The following ADK variants were observed in gnomAD, a reference collection of about 807,000 sequenced individuals.
ADK encodes the protein N6,N6-dimethyladenosine kinase.
In ADK, 24 loss-of-function variants were observed where a neutral mutation model predicts 44.7. The ratio of observed to expected loss-of-function variants is 0.54; its 90% confidence interval spans 0.39 to 0.76. The LOEUF (loss-of-function observed/expected upper bound fraction) is 0.76. Ranked by LOEUF, ADK falls within the 30% of genes least tolerant of loss-of-function variation. ADK has a pLI of 0.00. For missense variants in ADK, 321 were observed against 425.1 expected (o/e 0.76, Z 2.15); for synonymous variants, 128 against 142.6 (o/e 0.90, Z 0.73).
intron 10 of ADK, among the ~76,000 whole-genome samples, chr10:74,686,572 T>G (rs1855797008): frequency 1.3e-5 from 2 of 152,220 alleles, no homozygotes; most frequent in African/African-American, 4.8e-5. Flanking sequence ...ACAATAAATT[T>G]CTGTTCTTTA....
intron 8 of ADK, among the ~76,000 whole-genome samples, chr10:74,594,905 G>T (rs1851847947): frequency 6.6e-6 from 1 of 152,126 alleles, no homozygotes; most frequent in South Asian, 2.1e-4. Context: ...CGGGTGTGGT[G>T]GCTCCCACGC....
At position 74,374,871 on chromosome 10, in the gene ADK, A is replaced by G. The variant is rs1842770819; in HGVS notation, c.274-19270A>G. On this transcript the variant is annotated intron_variant, in intron 4 of 10. Transcript: ENST00000539909. ...TTATTTACTCTTTGACCTTTTCATT[A>G]TACCCCATATTCCTTGGTGCTTTCC... Among the ~76,000 whole-genome samples the G allele has an allele frequency of 2.6e-5, 4 of 152,254 alleles. No homozygotes were observed. The South Asian group carries it at 8.3e-4, about 32-fold the overall frequency.
chr10:74,245,330 A>G (rs2132315557), intron 3 of ADK, among the ~76,000 whole-genome samples: 1 of 152,288 alleles, frequency 6.6e-6, no homozygotes, highest in East Asian at 1.9e-4. Flanking sequence ...CCTTAAGATT[A>G]GGACCTACTA....
chr10:74,485,513 T>C (rs2133369965), intron 6 of ADK, among the ~76,000 whole-genome samples: 1 of 149,884 alleles, frequency 6.7e-6, no homozygotes, highest in Non-Finnish European at 1.5e-5. Flanking sequence ...AAATAATCCT[T>C]TGAAAAATAA....
chr10:74,580,431 C>T (rs56389499), intron 7 of ADK, among the ~76,000 whole-genome samples: 1,662 of 152,112 alleles, frequency 0.011, 16 homozygotes, highest in Non-Finnish European at 0.018. Flanking sequence ...CAAAATTAGC[C>T]AGGCATGGTG....
intron 9 of ADK, among the ~76,000 whole-genome samples, chr10:74,626,777 G>A (rs1040415881): frequency 5.3e-5 from 8 of 152,126 alleles, no homozygotes; most frequent in African/African-American, 9.7e-5. Context: ...AATATCTAGA[G>A]GGTATCTAGG....
chr10:74,198,721 A>C (rs1843252286), intron 1 of ADK, among the ~76,000 whole-genome samples: 1 of 152,220 alleles, frequency 6.6e-6, no homozygotes, highest in African/African-American at 2.4e-5. Context: ...CTTCTGTTTA[A>C]GGCATCACTT....
intron 1 of ADK, among the ~76,000 whole-genome samples, chr10:74,200,418 A>G (rs1165152924): frequency 1.4e-5 from 2 of 147,326 alleles, no homozygotes; most frequent in Admixed American, 7.0e-5. Context: ...TGGGAGGTGG[A>G]GGTTGCAGTG....
intron 4 of ADK, among the ~76,000 whole-genome samples, chr10:74,372,651 A>G (rs1033829723): frequency 2.0e-5 from 3 of 152,198 alleles, no homozygotes; most frequent in Admixed American, 6.5e-5. Context: ...ATATAACAAC[A>G]GAAGTGTGGA....
intron 8 of ADK, among the ~76,000 whole-genome samples, chr10:74,592,420 T>C (rs1354619179): frequency 1.3e-5 from 2 of 152,090 alleles, no homozygotes; most frequent in African/African-American, 2.4e-5. Context: ...CTATTGAAAA[T>C]TGATTTAAAT....
intron 3 of ADK, among the ~76,000 whole-genome samples, chr10:74,297,601 A>C (rs2132503680): frequency 6.6e-6 from 1 of 152,340 alleles, no homozygotes; most frequent in East Asian, 1.9e-4. Context: ...AGTTATTTAA[A>C]GTAGGGGTTG....
intron 10 of ADK, among the ~76,000 whole-genome samples, chr10:74,699,455 A>C (rs1254286587): frequency 6.6e-6 from 1 of 152,124 alleles, no homozygotes; most frequent in East Asian, 1.9e-4. Flanking sequence ...AGGCAGGCGG[A>C]TCACCTGCAG....
At chr10:74,442,914 A>G (rs1281410409) in intron 6 of ADK, among the ~76,000 whole-genome samples, 1 of 152,192 alleles carries the variant, frequency 6.6e-6, no homozygotes, top group African/African-American at 2.4e-5. Flanking sequence ...GCCAGACACA[A>G]AAATATAGAT....
chr10:74,669,241 A>C (rs922449383), intron 9 of ADK, among the ~76,000 whole-genome samples: 7 of 152,166 alleles, frequency 4.6e-5, no homozygotes, highest in African/African-American at 1.7e-4. Context: ...AAGTTTCTCA[A>C]GATCTCCTTT....
intron 7 of ADK, among the ~76,000 whole-genome samples, chr10:74,544,517 G>A (rs548237334): frequency 9.9e-5 from 15 of 152,250 alleles, no homozygotes; most frequent in African/African-American, 3.6e-4. Flanking sequence ...GGGAGGTGGT[G>A]CAGAATCATG....
intron 3 of ADK, among the ~76,000 whole-genome samples, chr10:74,302,102 T>G (rs200217992): frequency 1.0e-4 from 2 of 19,688 alleles, no homozygotes; most frequent in Non-Finnish European, 2.0e-4. Flanking sequence ...TTTTTTTTTG[T>G]TTGTTTGTTT....
At chr10:74,380,737 G>A (rs1592129050) in intron 4 of ADK, among the ~76,000 whole-genome samples, 3 of 151,978 alleles carry the variant, frequency 2.0e-5, no homozygotes, top group Middle Eastern at 3.2e-3. Context: ...CAGCCTGGGC[G>A]ACAGAGTGAG....
intron 6 of ADK, among the ~76,000 whole-genome samples, chr10:74,454,076 A>G (rs537038268): frequency 6.6e-6 from 1 of 152,288 alleles, no homozygotes; most frequent in African/African-American, 2.4e-5. Flanking sequence ...GGTCATAAGT[A>G]AGAATGTTAA....
At chr10:74,390,165 A>G (rs973998429) in intron 4 of ADK, among the ~76,000 whole-genome samples, 1 of 152,100 alleles carries the variant, frequency 6.6e-6, no homozygotes, top group African/African-American at 2.4e-5. Flanking sequence ...TTTCTGCTAA[A>G]TTTATACTTT....
Sources: gnomAD v4.1 joint callset for allele counts (sites outside exome capture counted in the v4.1 genomes callset) on GRCh38, gnomAD v4.1.1 for gene constraint, MANE v1.5 for transcripts, NCBI Gene and HGNC (gene_info 2026-07-23, HGNC 2026-07-21) for gene names.